DDX10: variants seen among roughly 807,000 people sequenced by gnomAD.
The protein encoded by DDX10 is DEAD-box helicase 10, also known as probable ATP-dependent RNA helicase DDX10.
In DDX10, 74 loss-of-function variants were observed where a neutral mutation model predicts 104.3. The observed-to-expected ratio is 0.71, with a 90% confidence interval of 0.59 to 0.86. DDX10 has a LOEUF of 0.86. DDX10 is among the 40% of genes least tolerant of loss of function. The probability of loss-of-function intolerance (pLI) is 0.00; values close to 1 mark genes in which losing one functional copy is unlikely to be tolerated. For synonymous variants in DDX10, 351 were observed against 353.4 expected (o/e 0.99, Z 0.08); for missense variants, 952 against 1,040.0 (o/e 0.92, Z 1.16).
At chr11:108,799,478 C>T (rs1861988584) in intron 13 of DDX10, among the ~76,000 whole-genome samples, 2 of 152,302 alleles carry the variant, frequency 1.3e-5, no homozygotes, top group South Asian at 4.1e-4. Flanking sequence ...CAGGGTTCTT[C>T]ATCTGAACCT....
chr11:108,868,085 A>G (rs1364845327), intron 16 of DDX10, among the ~76,000 whole-genome samples: 2 of 152,086 alleles, frequency 1.3e-5, no homozygotes. Context: ...AGTTCTTAAG[A>G]CTACTGACTA....
At chr11:108,920,270 G>A (rs897711232) in intron 17 of DDX10, 3 of 152,096 alleles carry the variant, frequency 2.0e-5, no homozygotes, top group African/African-American at 7.2e-5. Flanking sequence ...TAAAGACAAG[G>A]GTTCAGATGG....
At chr11:108,671,210 C>T (rs1418118663) in intron 1 of DDX10, among the ~76,000 whole-genome samples, 1 of 152,238 alleles carries the variant, frequency 6.6e-6, no homozygotes, top group Non-Finnish European at 1.5e-5. Flanking sequence ...GTTGCCCAGG[C>T]TGGAGTGCAG....
intron 13 of DDX10, among the ~76,000 whole-genome samples, chr11:108,813,294 T>C (rs1478841588): frequency 1.3e-5 from 1 of 76,550 alleles, no homozygotes; most frequent in East Asian, 4.0e-4. Flanking sequence ...ACAGCATCTT[T>C]TCAAATACTT....
At chr11:108,847,949 T>C (rs1413818083) in intron 15 of DDX10, among the ~76,000 whole-genome samples, 1 of 152,164 alleles carries the variant, frequency 6.6e-6, no homozygotes, top group African/African-American at 2.4e-5. Context: ...TTGTTACTCT[T>C]TAAACTTTAT....
chr11:108,802,453 CT>C (rs1039471216), intron 13 of DDX10, among the ~76,000 whole-genome samples: 2 of 152,072 alleles, frequency 1.3e-5, no homozygotes, highest in Non-Finnish European at 2.9e-5. Context: ...TTTTATTAGT[CT>C]TTTGTTTATG....
chr11:108,781,297 C>T (rs2094377780), intron 13 of DDX10, among the ~76,000 whole-genome samples: 1 of 152,106 alleles, frequency 6.6e-6, no homozygotes, highest in South Asian at 2.1e-4. Context: ...TTTTCTTTAT[C>T]CAGTACACCA....
chr11:108,881,261 ATG>A (rs1863224272), intron 16 of DDX10, among the ~76,000 whole-genome samples: 1 of 152,144 alleles, frequency 6.6e-6, no homozygotes, highest in Non-Finnish European at 1.5e-5. Context: ...CCTCCATAGG[ATG>A]ATTGCCTTTG....
intron 17 of DDX10, chr11:108,922,243 C>CAAAAAAAAAAAAAAGA (rs1863840677): frequency 1.3e-5 from 1 of 79,350 alleles, no homozygotes; most frequent in Non-Finnish European, 2.3e-5. Context: ...GACTCCATCT[C>CAAAAAAAAAAAAAAGA]AAAAAAAAAA....
At chr11:108,794,601 G>T (rs1861913757) in intron 13 of DDX10, among the ~76,000 whole-genome samples, 1 of 151,606 alleles carries the variant, frequency 6.6e-6, no homozygotes, top group Non-Finnish European at 1.5e-5. Flanking sequence ...TTTGTCAAAT[G>T]CCTTTTTTAC....
chr11:108,868,448 C>CA (rs1863036385), intron 16 of DDX10: 1 of 151,542 alleles, frequency 6.6e-6, no homozygotes, highest in South Asian at 2.1e-4. Flanking sequence ...CATGTACATA[C>CA]AACATTAAAA....
At chr11:108,802,218 TA>T (rs1862032350) in intron 13 of DDX10, among the ~76,000 whole-genome samples, 2 of 152,294 alleles carry the variant, frequency 1.3e-5, no homozygotes, top group Middle Eastern at 3.4e-3. Context: ...ATTTGCATTA[TA>T]TTTACCAGTT....
chr11:108,805,228 A>G (rs1862079856), intron 13 of DDX10, among the ~76,000 whole-genome samples: 1 of 152,382 alleles, frequency 6.6e-6, no homozygotes, highest in Non-Finnish European at 1.5e-5. Flanking sequence ...GACTGTGTAC[A>G]TGCCAAGAAT....
At chr11:108,669,389 C>T (rs1174960213) in intron 1 of DDX10, among the ~76,000 whole-genome samples, 1 of 152,086 alleles carries the variant, frequency 6.6e-6, no homozygotes, top group Non-Finnish European at 1.5e-5. Context: ...AGCCACTGTG[C>T]CTGGTGGAGC....
intron 7 of DDX10, among the ~76,000 whole-genome samples, chr11:108,689,324 T>C (rs2094248914): frequency 6.6e-6 from 1 of 152,184 alleles, no homozygotes; most frequent in South Asian, 2.1e-4. Flanking sequence ...GAATGAATAA[T>C]TGTTATCCAA....
chr11:108,685,183 G>A (rs918719280), intron 6 of DDX10, among the ~76,000 whole-genome samples: 5 of 151,880 alleles, frequency 3.3e-5, no homozygotes, highest in Non-Finnish European at 7.4e-5. Flanking sequence ...CAATCAGCGC[G>A]ATTCCGTGGG....
intron 16 of DDX10, among the ~76,000 whole-genome samples, chr11:108,855,521 G>A (rs763188559): frequency 7.9e-5 from 12 of 152,110 alleles, no homozygotes; most frequent in Non-Finnish European, 1.5e-4. Context: ...GTGCAGTGAC[G>A]CGATCTTGGC....
At chr11:108,699,812 A>G (rs1245827511) in intron 9 of DDX10, among the ~76,000 whole-genome samples, 1 of 152,208 alleles carries the variant, frequency 6.6e-6, no homozygotes, top group African/African-American at 2.4e-5. Context: ...ATCCTGAGGT[A>G]GAAGTGAAAC....
chr11:108,891,840 G>A (rs1863380050), intron 16 of DDX10, among the ~76,000 whole-genome samples: 1 of 152,052 alleles, frequency 6.6e-6, no homozygotes, highest in Admixed American at 6.5e-5. Flanking sequence ...AACACTTTGT[G>A]GGGAGGGCAC....
Sources: gnomAD v4.1 joint callset for allele counts (sites outside exome capture counted in the v4.1 genomes callset) on GRCh38, gnomAD v4.1.1 for gene constraint, MANE v1.5 for transcripts, NCBI Gene and HGNC (gene_info 2026-07-23, HGNC 2026-07-21) for gene names.